CCDC60: variants seen among roughly 807,000 people sequenced by gnomAD.
CCDC60 encodes the protein coiled-coil domain containing 60, also known as coiled-coil domain-containing protein 60.
CCDC60 carries 54 observed loss-of-function variants against 63.5 expected under a neutral mutation model. The observed-to-expected ratio is 0.85, with a 90% CI of 0.68 to 1.07. The LOEUF is 1.07. Among genes scored for constraint, CCDC60 ranks in the 50% least tolerant of loss-of-function variants. The probability of loss-of-function intolerance (pLI) is 0.00; values close to 1 mark genes in which losing one functional copy is unlikely to be tolerated. For missense variants in CCDC60, 651 were observed against 684.3 expected (o/e 0.95, Z 0.54); for synonymous variants, 206 against 238.8 (o/e 0.86, Z 1.27).
chr12:119,449,159 T>C (rs1175960242), intron 2 of CCDC60, among the ~76,000 whole-genome samples: 1 of 152,168 alleles, frequency 6.6e-6, no homozygotes, highest in Non-Finnish European at 1.5e-5. Context: ...GCTTGCCAAG[T>C]CCATGAGATT....
rs556752854 is a variant in CCDC60, at chr12:119,498,852, T to A, written c.558-1226T>A. Among the ~76,000 whole-genome samples the A allele has an allele frequency of 2.6e-5, 4 of 152,196 alleles. No individual in the cohort carries two copies. The East Asian group carries it at 5.8e-4, about 22-fold the overall frequency. On this transcript the variant is annotated intron_variant, in intron 5 of 13. Transcript: ENST00000327554. Reference sequence around the variant, plus strand: ...TAGTTGAGAGATCACACGTTGAGACTCCCTGCTTTCTTATCAGTAGAGACC... The same window carrying A: ...TAGTTGAGAGATCACACGTTGAGACACCCTGCTTTCTTATCAGTAGAGACC...
intron 1 of CCDC60, among the ~76,000 whole-genome samples, chr12:119,340,367 G>A (rs144253646): frequency 1.7e-4 from 26 of 152,220 alleles, no homozygotes; most frequent in African/African-American, 5.8e-4. Context: ...CATAATAGAG[G>A]TATTGTTAAT....
intron 2 of CCDC60, among the ~76,000 whole-genome samples, chr12:119,447,438 G>A (rs1372644140): frequency 6.6e-6 from 1 of 152,116 alleles, no homozygotes; most frequent in Non-Finnish European, 1.5e-5. Flanking sequence ...ATCACAGGCT[G>A]GTGGTCTTGT....
chr12:119,525,363 G>C (rs1189799873), intron 11 of CCDC60, among the ~76,000 whole-genome samples: 1 of 152,102 alleles, frequency 6.6e-6, no homozygotes, highest in East Asian at 1.9e-4. Context: ...GGTTTTCCAA[G>C]GTCATAATGA....
chr12:119,436,250 T>A (rs1950321985), intron 2 of CCDC60, among the ~76,000 whole-genome samples: 1 of 152,148 alleles, frequency 6.6e-6, no homozygotes, highest in African/African-American at 2.4e-5. Context: ...CTTGGAGACA[T>A]GAGCTAGCAT....
At chr12:119,406,095 C>T (rs1341703329) in intron 1 of CCDC60, among the ~76,000 whole-genome samples, 1 of 152,024 alleles carries the variant, frequency 6.6e-6, no homozygotes, top group Non-Finnish European at 1.5e-5. Flanking sequence ...CGCTTGAACC[C>T]GGGAGGCAGA....
chr12:119,431,023 C>T (rs1950220189), intron 2 of CCDC60, among the ~76,000 whole-genome samples: 1 of 152,164 alleles, frequency 6.6e-6, no homozygotes, highest in Admixed American at 6.5e-5. Flanking sequence ...AATTGAGGGC[C>T]TAGAGCCACA....
intron 2 of CCDC60, among the ~76,000 whole-genome samples, chr12:119,468,153 A>G (rs784844): frequency 0.89 from 135,295 of 152,134 alleles, 60,553 homozygotes; most frequent in East Asian, 1. Context: ...TTAGCCGGGC[A>G]TGGTGGCACA....
intron 4 of CCDC60, among the ~76,000 whole-genome samples, chr12:119,484,695 A>G (rs890624076): frequency 6.6e-6 from 1 of 152,194 alleles, no homozygotes; most frequent in African/African-American, 2.4e-5. Flanking sequence ...CCTGGGCAAC[A>G]GAGTGAGACC....
intron 11 of CCDC60, among the ~76,000 whole-genome samples, chr12:119,527,369 T>C (rs116930524): frequency 0.082 from 12,411 of 152,164 alleles, 622 homozygotes; most frequent in Middle Eastern, 0.11. Context: ...CCGTGACACA[T>C]GTTTATCTAT....
chr12:119,440,971 G>A (rs1332636205), intron 2 of CCDC60, among the ~76,000 whole-genome samples: 3 of 152,194 alleles, frequency 2.0e-5, no homozygotes, highest in African/African-American at 7.2e-5. Context: ...TTGGTAAATG[G>A]TGGCTGTGTG....
rs534156266 is a variant in CCDC60, at chr12:119,484,386, A to G, written c.450-4373A>G. On this transcript the variant is annotated intron_variant, in intron 4 of 13. Coordinates refer to ENST00000327554, the MANE Select transcript of CCDC60 (RefSeq NM_178499.5). Reference sequence around the variant, plus strand: ...TTGTTCTGTTGTTGTTGTTTTTGTTACTACTCTTTATTATCTCAATGGTTC... The same window carrying G: ...TTGTTCTGTTGTTGTTGTTTTTGTTGCTACTCTTTATTATCTCAATGGTTC... Among the ~76,000 whole-genome samples the G allele has an allele frequency of 6.1e-4, 93 of 152,218 alleles. 1 individual carries two copies. The South Asian group carries it at 0.019, about 31-fold the overall frequency.
At chr12:119,411,147 T>C (rs1187463912) in intron 1 of CCDC60, among the ~76,000 whole-genome samples, 1 of 152,160 alleles carries the variant, frequency 6.6e-6, no homozygotes, top group African/African-American at 2.4e-5. Context: ...GAGTGGATAG[T>C]TGTAGAGAAA....
At chr12:119,421,289 T>TA (rs1956808497) in intron 1 of CCDC60, among the ~76,000 whole-genome samples, 1 of 152,224 alleles carries the variant, frequency 6.6e-6, no homozygotes. Context: ...TTAAATTCTT[T>TA]ATGATGAAAT....
chr12:119,480,379 T>C (rs548317706), intron 4 of CCDC60, among the ~76,000 whole-genome samples: 26 of 152,316 alleles, frequency 1.7e-4, no homozygotes, highest in African/African-American at 6.3e-4. Flanking sequence ...ACACACTACA[T>C]AGAACATATA....
At chr12:119,491,023 T>C (rs11064813) in intron 5 of CCDC60, among the ~76,000 whole-genome samples, 15,189 of 152,252 alleles carry the variant, frequency 0.1, 1,008 homozygotes, top group East Asian at 0.3. Context: ...CTATGATATG[T>C]CCTTCCAAAT....
intron 1 of CCDC60, among the ~76,000 whole-genome samples, chr12:119,409,836 CCT>C (rs1491094091): frequency 6.6e-6 from 1 of 150,688 alleles, no homozygotes; most frequent in Non-Finnish European, 1.5e-5. Context: ...TGTCTGTCTG[CCT>C]CTCTCTGTGT....
At chr12:119,444,988 G>A (rs1950514953) in intron 2 of CCDC60, among the ~76,000 whole-genome samples, 1 of 151,846 alleles carries the variant, frequency 6.6e-6, no homozygotes, top group African/African-American at 2.4e-5. Context: ...GATGAACAGT[G>A]ATGTGGAAGG....
chr12:119,493,375 T>A (rs1951637559), intron 5 of CCDC60, among the ~76,000 whole-genome samples: 1 of 152,100 alleles, frequency 6.6e-6, no homozygotes, highest in Non-Finnish European at 1.5e-5. Context: ...CAGCAAAATT[T>A]CACTAACCGG....
Sources: gnomAD v4.1 joint callset for allele counts (sites outside exome capture counted in the v4.1 genomes callset) on GRCh38, gnomAD v4.1.1 for gene constraint, MANE v1.5 for transcripts, NCBI Gene and HGNC (gene_info 2026-07-23, HGNC 2026-07-21) for gene names.